Variants in SYNJ2BP observed in about 807,000 individuals in gnomAD.
The protein encoded by SYNJ2BP is synaptojanin 2 binding protein.
A neutral mutation model predicts 16.9 loss-of-function variants in SYNJ2BP; 10 were observed. That is an observed-to-expected ratio of 0.59 (90% CI 0.36 to 1.00). The LOEUF is 1.00. Ranked by LOEUF, SYNJ2BP falls within the 50% of genes least tolerant of loss-of-function variation. The pLI is 0.01. For missense variants in SYNJ2BP, 162 were observed against 186.7 expected, an observed-to-expected ratio of 0.87 and a Z score of 0.77; for synonymous variants, 54 against 68.4, an observed-to-expected ratio of 0.79 and a Z score of 1.04.
chr14:70,368,732 G>A lies in SYNJ2BP; in HGVS notation c.*4259C>T, dbSNP rs1051891464. On this transcript the variant is annotated 3_prime_UTR_variant, in exon 4 of 4. Transcript: ENST00000256366. ...TTGTTGTTGTTTTGCCTGAAGCAAT[G>A]TATGTAATTTAATAATTTAAATAGT... The A allele has an allele frequency of 3.9e-5, 6 of 152,122 alleles. No homozygotes were observed. The highest frequency in any genetic ancestry group is 7.3e-5 in the Non-Finnish European group (5 of 68,034). 9.4% of individuals were successfully genotyped at this position (152,122 alleles called of 1,614,324 possible). A position where few individuals can be genotyped will look rare whatever the true frequency, so the allele number is the denominator to read the frequency against.
intron 1 of SYNJ2BP, among the ~76,000 whole-genome samples, chr14:70,412,463 A>G (rs1169112381): frequency 6.7e-6 from 1 of 149,900 alleles, no homozygotes; most frequent in East Asian, 1.9e-4. Context: ...GTATGTATGT[A>G]TGTATAGTAT....
At chr14:70,383,847 G>T (rs563125045) in intron 2 of SYNJ2BP, among the ~76,000 whole-genome samples, 1 of 151,964 alleles carries the variant, frequency 6.6e-6, no homozygotes, top group Admixed American at 6.6e-5. Flanking sequence ...ATGCAACATG[G>T]CCTTAAAAAT....
Position 70,388,490 on chromosome 14 carries a change from C to G in SYNJ2BP, c.181G>C (p.Glu61Gln), listed in dbSNP as rs1432603626. The G allele has an allele frequency of 6.3e-7, 1 of 1,585,012 alleles. No homozygotes were observed. The highest frequency in any genetic ancestry group is 8.6e-7 in the Non-Finnish European group (1 of 1,167,608). ...GAAALDGRLQ[E>Q]GDKILSVNGQ... ...CTCACCGAAAGGATCTTATCACCCT[C>G]CTGGAGCCGCCCATCCAGGGCCGCA... is the stretch of plus-strand genomic sequence containing the variant. Residue 61 changes from glutamate to glutamine, a missense_variant, in exon 2 of 4, where the codon GAG (glutamate) becomes CAG (glutamine). Physicochemically the swap from Glu to Gln is conservative, Grantham distance 29. Coordinates refer to ENST00000256366, the MANE Select transcript of SYNJ2BP (RefSeq NM_018373.3).
intron 3 of SYNJ2BP, among the ~76,000 whole-genome samples, chr14:70,373,985 C>G (rs1887572073): frequency 6.6e-6 from 1 of 152,196 alleles, no homozygotes; most frequent in Non-Finnish European, 1.5e-5. Flanking sequence ...CCATTATACC[C>G]TCTATTCCAC....
intron 1 of SYNJ2BP, among the ~76,000 whole-genome samples, chr14:70,399,270 CCA>C (rs1888179025): frequency 6.6e-6 from 1 of 152,212 alleles, no homozygotes; most frequent in Admixed American, 6.5e-5. Flanking sequence ...CTCTGCTCGA[CCA>C]CACTGCTCAC....
rs71448320 is a variant in SYNJ2BP, at chr14:70,367,561, CAAAAAAAAAAAAAAAA to C, written c.*5414_*5429del. On this transcript the variant is annotated 3_prime_UTR_variant, in exon 4 of 4. Coordinates refer to ENST00000256366, the MANE Select transcript of SYNJ2BP (RefSeq NM_018373.3). ...TAGGCGACAGAGCAAGACTCCGTCT[CAAAAAAAAAAAAAAAA>C]AAAAAAAAAAGAAAAGAAAAGAATC... 1 of 36,942 alleles carries C rather than the reference CAAAAAAAAAAAAAAAA, an allele frequency of 2.7e-5. No homozygotes were observed. Among genetic ancestry groups the C allele is most frequent in the Non-Finnish European group, 5.1e-5 (1 of 19,436 alleles). 2.3% of individuals were successfully genotyped at this position (36,942 alleles called of 1,614,324 possible).
chr14:70,388,904 C>T (rs956956763), intron 1 of SYNJ2BP, among the ~76,000 whole-genome samples: 3 of 151,482 alleles, frequency 2.0e-5, no homozygotes, highest in Non-Finnish European at 4.4e-5. Flanking sequence ...ATGGTGATTA[C>T]TCTAAGTTCG....
intron 1 of SYNJ2BP, among the ~76,000 whole-genome samples, chr14:70,401,979 C>T (rs1222786806): frequency 6.6e-6 from 1 of 152,162 alleles, no homozygotes; most frequent in Admixed American, 6.5e-5. Flanking sequence ...CCACTCTGCT[C>T]TTCCTTCCTT....
At chr14:70,400,462 G>A (rs1401590264) in intron 1 of SYNJ2BP, among the ~76,000 whole-genome samples, 2 of 152,216 alleles carry the variant, frequency 1.3e-5, no homozygotes, top group Middle Eastern at 3.4e-3. Flanking sequence ...TTGTTAAAGA[G>A]TAGAACAGTG....
At chr14:70,385,369 T>C (rs1887838170) in intron 2 of SYNJ2BP, among the ~76,000 whole-genome samples, 1 of 152,072 alleles carries the variant, frequency 6.6e-6, no homozygotes, top group African/African-American at 2.4e-5. Flanking sequence ...TATTTTATTT[T>C]ATTTTGAGAT....
Position 70,372,779 on chromosome 14 carries a change from G to T in SYNJ2BP, c.*212C>A. 1.5e-6 allele frequency: 1 copy of T among 654,246 alleles called. No individual in the cohort carries two copies. Among genetic ancestry groups the T allele is most frequent in the Non-Finnish European group, 2.5e-6 (1 of 406,934 alleles). The allele number at this position is 654,246 out of a possible 1,614,324, so 40.5% of individuals were successfully genotyped here. A position where few individuals can be genotyped will look rare whatever the true frequency, so the allele number is the denominator to read the frequency against. ...ATATATAACTCCTCATTTGTTCTAA[G>T]CCAAGTCTTTTCTTCAGTTTTCCTT... On this transcript the variant is annotated 3_prime_UTR_variant, in exon 4 of 4. Transcript: ENST00000256366.
intron 1 of SYNJ2BP, among the ~76,000 whole-genome samples, chr14:70,406,761 T>A (rs7159747): frequency 0.87 from 132,984 of 152,160 alleles, 58,179 homozygotes; most frequent in East Asian, 0.93. Flanking sequence ...CCATGATTTC[T>A]TCTCTGACCT....
intron 1 of SYNJ2BP, among the ~76,000 whole-genome samples, chr14:70,398,532 A>C (rs538132525): frequency 6.6e-6 from 1 of 152,166 alleles, no homozygotes; most frequent in Non-Finnish European, 1.5e-5. Context: ...GTGTGTACAC[A>C]CTGGGCCGGG....
In SYNJ2BP at chr14:70,368,758, GT is replaced by G. The variant is rs1172511358; in HGVS notation, c.*4232del. ...TATGTAATTTAATAATTTAAATAGT[GT>G]TTAATTAAATAGTGTCTTGTTTAAA... On this transcript the variant is annotated 3_prime_UTR_variant, in exon 4 of 4. Coordinates refer to ENST00000256366, the MANE Select transcript of SYNJ2BP (RefSeq NM_018373.3). 2.0e-5 allele frequency: 3 copies of G among 151,652 alleles called. No individual in the cohort carries two copies. The highest frequency in any genetic ancestry group is 6.6e-5 in the Admixed American group (1 of 15,266). 9.4% of individuals were successfully genotyped at this position (151,652 alleles called of 1,614,324 possible).
At chr14:70,399,136 G>A (rs898295810) in intron 1 of SYNJ2BP, among the ~76,000 whole-genome samples, 3 of 152,148 alleles carry the variant, frequency 2.0e-5, no homozygotes, top group East Asian at 1.9e-4. Context: ...CAAAGCAGGC[G>A]CCGCTCCCAC....
rs539560550 is a variant in SYNJ2BP, at chr14:70,389,831, A to G, written c.65-1225T>C. 1.1e-3 allele frequency among the ~76,000 whole-genome samples: 163 copies of G among 152,128 alleles called. 5 individuals are homozygous for G. In the South Asian group the frequency reaches 0.033, roughly 30 times the overall value. ...AAAACTGACTACTCGTTGATTAGCA[A>G]CTCCCCAGTTCCTCTTCCCTAAGTC... On this transcript the variant is annotated intron_variant, in intron 1 of 3. Transcript: ENST00000256366.
At chr14:70,387,063 C>T (rs940401545) in intron 2 of SYNJ2BP, among the ~76,000 whole-genome samples, 4 of 152,068 alleles carry the variant, frequency 2.6e-5, no homozygotes, top group East Asian at 1.9e-4. Context: ...GATAGGGCTC[C>T]GAAGCCCTAT....
At chr14:70,387,485 C>T (rs1351949016) in intron 2 of SYNJ2BP, among the ~76,000 whole-genome samples, 1 of 152,144 alleles carries the variant, frequency 6.6e-6, no homozygotes, top group African/African-American at 2.4e-5. Context: ...AATTTCTTAA[C>T]TTGTTCATTT....
At chr14:70,406,596 CG>C (rs1273517198) in intron 1 of SYNJ2BP, among the ~76,000 whole-genome samples, 1 of 152,194 alleles carries the variant, frequency 6.6e-6, no homozygotes, top group Non-Finnish European at 1.5e-5. Context: ...GGGATAACAT[CG>C]CGATTGTAAA....
Sources: allele counts gnomAD v4.1 joint callset (sites outside exome capture counted in the v4.1 genomes callset), GRCh38; gene constraint gnomAD v4.1.1; transcripts MANE v1.5; gene names NCBI Gene and HGNC (gene_info 2026-07-23, HGNC 2026-07-21).